The following SYNPR variants were observed in gnomAD, a reference collection of about 807,000 sequenced individuals.
SYNPR encodes the protein synaptoporin.
A neutral mutation model predicts 32.9 loss-of-function variants in SYNPR; 23 were observed. The observed-to-expected ratio is 0.70, with a 90% CI of 0.50 to 0.99. The LOEUF (loss-of-function observed/expected upper bound fraction) is 0.99. Among genes scored for constraint, SYNPR ranks in the 50% least tolerant of loss-of-function variants. The pLI, the probability that SYNPR is intolerant of heterozygous loss-of-function variation, is 0.00. For synonymous variants in SYNPR, 146 were observed against 135.9 expected (o/e 1.07, Z -0.52); for missense variants, 318 against 349.3 (o/e 0.91, Z 0.71).
At chr3:63,480,739 C>G in intron 2 of SYNPR, 93 bp from the exon 3 acceptor site, 1 of 1,470,230 alleles carries the variant, frequency 6.8e-7, no homozygotes, top group Non-Finnish European at 9.1e-7. Flanking sequence ...CCATAAATTC[C>G]CTCAATCCAG....
chr3:63,345,650 C>T (rs1428031377), intron 2 of SYNPR, among the ~76,000 whole-genome samples: 2 of 152,078 alleles, frequency 1.3e-5, no homozygotes, highest in African/African-American at 4.8e-5. Context: ...CTGACTCCAA[C>T]CCCAACCAGA....
intron 2 of SYNPR, among the ~76,000 whole-genome samples, chr3:63,450,152 C>T (rs1405186876): frequency 1.3e-5 from 2 of 152,106 alleles, no homozygotes; most frequent in Admixed American, 1.3e-4. Flanking sequence ...TTTTGGACTG[C>T]CCACATACAT....
chr3:63,534,379 T>C (rs753291704), intron 3 of SYNPR, among the ~76,000 whole-genome samples: 8 of 152,210 alleles, frequency 5.3e-5, no homozygotes, highest in Admixed American at 1.3e-4. Context: ...AGTGAAATTG[T>C]AGAAGTTCTA....
intron 4 of SYNPR, among the ~76,000 whole-genome samples, chr3:63,597,202 T>C (rs1699974555): frequency 6.6e-6 from 1 of 152,158 alleles, no homozygotes; most frequent in African/African-American, 2.4e-5. Context: ...TTCCCTGCTC[T>C]TACCACCAGG....
At chr3:63,475,341 G>T (rs1165113867) in intron 2 of SYNPR, among the ~76,000 whole-genome samples, 3 of 152,110 alleles carry the variant, frequency 2.0e-5, no homozygotes, top group Non-Finnish European at 4.4e-5. Flanking sequence ...TGAATGATTG[G>T]GCCAGTGGTT....
the SYNPR span, among the ~76,000 whole-genome samples, chr3:63,208,934 T>C: frequency 6.6e-6 from 1 of 152,224 alleles, no homozygotes; most frequent in Non-Finnish European, 1.5e-5. Flanking sequence ...TATAGAAATC[T>C]TTTGTTTTTT....
At chr3:63,224,082 G>C (rs2086112014), upstream of SYNPR, among the ~76,000 whole-genome samples, 1 of 152,160 alleles carries the variant, frequency 6.6e-6, no homozygotes, top group African/African-American at 2.4e-5. Flanking sequence ...AAAGAAATGA[G>C]AATTTTCTGT....
At chr3:63,426,561 G>A (rs1699895427) in intron 2 of SYNPR, among the ~76,000 whole-genome samples, 1 of 152,162 alleles carries the variant, frequency 6.6e-6, no homozygotes. Context: ...CAAGTGGTAG[G>A]TGCAATTCAT....
chr3:63,237,414 A>G (rs550587112), intron 1 of SYNPR, among the ~76,000 whole-genome samples: 84 of 151,930 alleles, frequency 5.5e-4, no homozygotes, highest in Non-Finnish European at 1.1e-3. Flanking sequence ...TTTAATTGAC[A>G]ATTTTATTTC....
intron 2 of SYNPR, among the ~76,000 whole-genome samples, chr3:63,390,574 T>C (rs1223978258): frequency 1.3e-5 from 2 of 152,238 alleles, no homozygotes; most frequent in African/African-American, 2.4e-5. Context: ...GTGCATCTTA[T>C]GGTCAGACAG....
At chr3:63,448,629 G>T (rs1328004713) in intron 2 of SYNPR, among the ~76,000 whole-genome samples, 2 of 151,926 alleles carry the variant, frequency 1.3e-5, no homozygotes, top group Non-Finnish European at 2.9e-5. Context: ...TTTTAATTGG[G>T]GGAAGATTTT....
At chr3:63,276,588 A>AGGGG (rs2086575567), upstream of SYNPR, among the ~76,000 whole-genome samples, 3 of 151,306 alleles carry the variant, frequency 2.0e-5, no homozygotes, top group African/African-American at 7.3e-5. Flanking sequence ...CATACATGGT[A>AGGGG]GGGTACACAC....
intron 2 of SYNPR, among the ~76,000 whole-genome samples, chr3:63,265,238 A>ATTTTTTTTT (rs1560172997): frequency 2.0e-4 from 18 of 87,882 alleles, no homozygotes; most frequent in South Asian, 9.6e-4. Context: ...TTCTAATGAC[A>ATTTTTTTTT]TTCTTTTTTT....
intron 4 of SYNPR, among the ~76,000 whole-genome samples, chr3:63,592,005 A>G (rs1699838244): frequency 6.6e-6 from 1 of 152,014 alleles, no homozygotes; most frequent in African/African-American, 2.4e-5. Context: ...TTGCAGATGT[A>G]ATTCAGTTAA....
intron 2 of SYNPR, chr3:63,444,351 T>C (rs1005634084): frequency 2.0e-5 from 3 of 152,236 alleles, no homozygotes; most frequent in Non-Finnish European, 4.4e-5. Context: ...TGGGGAAAAG[T>C]ATTTTAATAT....
intron 2 of SYNPR, among the ~76,000 whole-genome samples, chr3:63,440,952 G>A (rs1700159074): frequency 6.6e-6 from 1 of 152,186 alleles, no homozygotes; most frequent in Admixed American, 6.5e-5. Flanking sequence ...CAGCCGAGAA[G>A]TTACTGCAGG....
intron 2 of SYNPR, among the ~76,000 whole-genome samples, chr3:63,414,177 A>G (rs527724541): frequency 3.3e-5 from 5 of 152,220 alleles, no homozygotes; most frequent in Non-Finnish European, 7.4e-5. Context: ...AAGAAAGGCA[A>G]AAAAGGCTTA....
At chr3:63,327,137 G>A (rs139133027) in intron 2 of SYNPR, among the ~76,000 whole-genome samples, 47 of 152,130 alleles carry the variant, frequency 3.1e-4, no homozygotes, top group Middle Eastern at 3.4e-3. Context: ...AATAGTTATT[G>A]GCAATGAAGG....
intron 3 of SYNPR, among the ~76,000 whole-genome samples, chr3:63,547,066 T>C (rs887041738): frequency 1.3e-5 from 2 of 152,104 alleles, no homozygotes; most frequent in Non-Finnish European, 2.9e-5. Context: ...TGGAAACAAA[T>C]AGCATCACTG....
Sources: gnomAD v4.1 joint callset for allele counts (sites outside exome capture counted in the v4.1 genomes callset) on GRCh38, gnomAD v4.1.1 for gene constraint, MANE v1.5 for transcripts, NCBI Gene and HGNC (gene_info 2026-07-23, HGNC 2026-07-21) for gene names.